Variants in EHMT1 observed in about 807,000 individuals in gnomAD.
EHMT1 encodes the protein histone-lysine N-methyltransferase EHMT1.
A neutral mutation model predicts 147.2 loss-of-function variants in EHMT1; 15 were observed. That is an observed-to-expected ratio of 0.10 (90% CI 0.07 to 0.16). The LOEUF is 0.16. Ranked by LOEUF, EHMT1 falls within the 10% of genes least tolerant of loss-of-function variation. EHMT1 has a pLI of 1.00. For missense variants in EHMT1, 1,587 were observed against 1,772.4 expected (o/e 0.90, Z 1.88); for synonymous variants, 795 against 709.6 (o/e 1.12, Z -1.91).
At chr9:137,652,116 A>G (rs1450954099) in intron 1 of EHMT1, among the ~76,000 whole-genome samples, 1 of 152,232 alleles carries the variant, frequency 6.6e-6, no homozygotes, top group Non-Finnish European at 1.5e-5. Context: ...TCTAGAAGAC[A>G]CTGTTACCAT....
intron 14 of EHMT1, among the ~76,000 whole-genome samples, chr9:137,781,315 GAT>G (rs1252970989): frequency 1.4e-5 from 2 of 138,210 alleles, no homozygotes; most frequent in South Asian, 5.0e-4. Flanking sequence ...GCATCACTGA[GAT>G]GTGTGGTGAT....
In EHMT1 at chr9:137,764,407, A is replaced by G. The variant is rs563653476; in HGVS notation, c.1647+1587A>G. The G allele has an allele frequency of 2.0e-5, 3 of 152,212 alleles. 1 individual carries two copies. The highest frequency in any genetic ancestry group is 2.0e-4 in the Admixed American group (3 of 15,288). 9.4% of individuals were successfully genotyped at this position (152,212 alleles called of 1,614,324 possible). ...ACTCGGCCCCTCTGCAGAGCCTCTC[A>G]CTTGTTTCAAAAGAACTTTCCATAG... On this transcript the variant is annotated intron_variant, in intron 10 of 26. Coordinates refer to ENST00000460843, the MANE Select transcript of EHMT1 (RefSeq NM_024757.5).
intron 1 of EHMT1, among the ~76,000 whole-genome samples, chr9:137,684,286 G>C (rs1942233636): frequency 6.6e-6 from 1 of 152,072 alleles, no homozygotes; most frequent in Admixed American, 6.6e-5. Flanking sequence ...GCCCGCCTTG[G>C]CCTCCCAAAG....
At chr9:137,801,375 G>A (rs1313692837) in intron 18 of EHMT1, among the ~76,000 whole-genome samples, 1 of 152,228 alleles carries the variant, frequency 6.6e-6, no homozygotes, top group African/African-American at 2.4e-5. Flanking sequence ...AGGCTAGAGT[G>A]CAGTGGCGTA....
chr9:137,779,567 T>C, intron 13 of EHMT1, 68 bp from the exon 14 acceptor site: 1 of 1,572,320 alleles, frequency 6.4e-7, no homozygotes, highest in Non-Finnish European at 8.7e-7. Flanking sequence ...CCGCCGGGCC[T>C]TCCAGCCTTC....
intron 25 of EHMT1, among the ~76,000 whole-genome samples, chr9:137,826,060 A>G (rs1955792021): frequency 6.8e-6 from 1 of 146,638 alleles, no homozygotes; most frequent in Non-Finnish European, 1.5e-5. Flanking sequence ...TATCTGATTT[A>G]TATGCTATTG....
chr9:137,751,660 G>GA (rs1490387099), intron 6 of EHMT1, among the ~76,000 whole-genome samples: 1 of 152,188 alleles, frequency 6.6e-6, no homozygotes, highest in Non-Finnish European at 1.5e-5. Context: ...AAATACAGCA[G>GA]AAAAAATAAG....
At chr9:137,649,934 G>A (rs943320477) in intron 1 of EHMT1, among the ~76,000 whole-genome samples, 9 of 152,132 alleles carry the variant, frequency 5.9e-5, no homozygotes, top group African/African-American at 1.7e-4. Context: ...AAGTGTACAC[G>A]GAGTCTCTGT....
At chr9:137,717,624 AAAG>A (rs1443684848) in intron 3 of EHMT1, among the ~76,000 whole-genome samples, 40 of 118,938 alleles carry the variant, frequency 3.4e-4, no homozygotes, top group Admixed American at 1.1e-3. Flanking sequence ...AAAAAAAAAA[AAAG>A]AGATGCTGCT....
At chr9:137,807,505 A>G (rs1398232691) in intron 18 of EHMT1, among the ~76,000 whole-genome samples, 2 of 150,212 alleles carry the variant, frequency 1.3e-5, no homozygotes, top group African/African-American at 2.5e-5. Flanking sequence ...TTATTTATTT[A>G]TTTATTTATT....
At position 137,637,949 on chromosome 9, in the gene EHMT1, C is replaced by T. The variant is rs951770464; in HGVS notation, c.21+18900C>T. On this transcript the variant is annotated intron_variant, in intron 1 of 26. Coordinates refer to ENST00000460843, the MANE Select transcript of EHMT1 (RefSeq NM_024757.5). Reference sequence around the variant, plus strand: ...CATGGCATCCAGGTTATCTAGTTTCCGGTATGCAGTTGCTCGTATGTTCCC... The same window carrying T: ...CATGGCATCCAGGTTATCTAGTTTCTGGTATGCAGTTGCTCGTATGTTCCC... Among the ~76,000 whole-genome samples the T allele has an allele frequency of 5.3e-5, 8 of 151,794 alleles. No individual in the cohort carries two copies. In the South Asian group the frequency reaches 8.3e-4, roughly 16 times the overall value.
intron 1 of EHMT1, among the ~76,000 whole-genome samples, chr9:137,657,892 G>A (rs940164286): frequency 3.3e-5 from 5 of 151,006 alleles, no homozygotes; most frequent in African/African-American, 9.8e-5. Context: ...ATAGCCCCTA[G>A]ACGTCCTTCT....
At chr9:137,639,332 C>A (rs1589077757) in intron 1 of EHMT1, among the ~76,000 whole-genome samples, 1 of 152,100 alleles carries the variant, frequency 6.6e-6, no homozygotes, top group Non-Finnish European at 1.5e-5. Flanking sequence ...CCCTATATGT[C>A]AGATTGAATT....
chr9:137,620,839 G>A (rs1307250977), intron 1 of EHMT1, among the ~76,000 whole-genome samples: 1 of 152,196 alleles, frequency 6.6e-6, no homozygotes, highest in Non-Finnish European at 1.5e-5. Flanking sequence ...GGTTCCATAG[G>A]CAGCCTTGAA....
At position 137,813,033 on chromosome 9, in the gene EHMT1, C is replaced by T; in HGVS notation, c.2895C>T (p.Val965=). The T allele has an allele frequency of 6.2e-7, 1 of 1,614,078 alleles. No homozygotes were observed. Among genetic ancestry groups the T allele is most frequent in the South Asian group, 1.1e-5 (1 of 91,080 alleles). The change falls in exon 20 of 27, where the codon GTC becomes GTT. Residue 965 remains valine (V), a synonymous_variant. Coordinates refer to ENST00000460843, the MANE Select transcript of EHMT1 (RefSeq NM_024757.5). This position sits in a 1 kb window ranked among gnomAD's most constrained non-coding sequence, Gnocchi z 4.9. ...VVLFLSRDSD[V]TLKNKEGETP... ...TCTTTCTTTCTCGGGATTCAGATGTCACCTTAAAGAACAAGGAAGGAGAGA... is the reference window on the plus strand; with the variant it reads ...TCTTTCTTTCTCGGGATTCAGATGTTACCTTAAAGAACAAGGAAGGAGAGA...
At chr9:137,788,032 G>A in intron 15 of EHMT1, 1 of 1,402,184 alleles carries the variant, frequency 7.1e-7, no homozygotes, top group Non-Finnish European at 9.8e-7. Flanking sequence ...TCCGGGAAGA[G>A]GGTTGAGGGC....
At chr9:137,781,195 C>T (rs371168600) in intron 14 of EHMT1, among the ~76,000 whole-genome samples, 714 of 32,460 alleles carry the variant, frequency 0.022, 253 homozygotes, top group African/African-American at 0.2. Flanking sequence ...CGTGTGGTGA[C>T]GACGCTGAGA....
intron 25 of EHMT1, among the ~76,000 whole-genome samples, chr9:137,826,245 A>T (rs1243836755): frequency 6.6e-6 from 1 of 152,040 alleles, no homozygotes; most frequent in Non-Finnish European, 1.5e-5. Context: ...GCATCTCTGT[A>T]GGTCTGTTTC....
Position 137,678,708 on chromosome 9 carries a change from G to A in EHMT1, c.22-32259G>A, listed in dbSNP as rs1318064520. On this transcript the variant is annotated intron_variant, in intron 1 of 26. Coordinates refer to ENST00000460843, the MANE Select transcript of EHMT1 (RefSeq NM_024757.5). ...CAGGCACAGTAAAAGTTATATGAATGTCCCCCCCCCCGCTCCCCCCGAAAA... is the reference window on the plus strand; with the variant it reads ...CAGGCACAGTAAAAGTTATATGAATATCCCCCCCCCCGCTCCCCCCGAAAA... Among the ~76,000 whole-genome samples, 3 of 135,232 alleles carry A rather than the reference G, an allele frequency of 2.2e-5. No individual in the cohort carries two copies. In the East Asian group the frequency reaches 6.3e-4, roughly 28 times the overall value. The allele number at this position is 135,232 out of a possible 152,430, so 88.7% of individuals were successfully genotyped here. A position where few individuals can be genotyped will look rare whatever the true frequency, so the allele number is the denominator to read the frequency against.
Sources: gnomAD v4.1 joint callset for allele counts (sites outside exome capture counted in the v4.1 genomes callset) on GRCh38, gnomAD v4.1.1 for gene constraint, Gnocchi (gnomAD v3.1) non-coding constraint, MANE v1.5 for transcripts, NCBI Gene and HGNC (gene_info 2026-07-23, HGNC 2026-07-21) for gene names.